The following ASIC2 variants were observed in gnomAD, a reference collection of about 807,000 sequenced individuals.
ASIC2 encodes acid-sensing ion channel 2.
Under a neutral mutation model 57.3 loss-of-function variants are expected in ASIC2, and 25 were observed. That is an observed-to-expected ratio of 0.44 (90% CI 0.32 to 0.61). ASIC2 has a LOEUF of 0.61. Among genes scored for constraint, ASIC2 ranks in the 20% least tolerant of loss-of-function variants. The pLI is 0.06. For missense variants in ASIC2, 641 were observed against 738.1 expected (o/e 0.87, Z 1.52); for synonymous variants, 319 against 307.5 (o/e 1.04, Z -0.39).
In ASIC2 at chr17:33,833,490, TTGTC is replaced by T. The variant is rs144334448; in HGVS notation, c.555+322484_555+322487del. ...GTTTTAATGAGACCTTCCGTTCTCTTTGTCTGTGTGTGTGTGTATGTGCGTGTGT... is the reference window on the plus strand; with the variant it reads ...GTTTTAATGAGACCTTCCGTTCTCTTTGTGTGTGTGTGTATGTGCGTGTGT... On this transcript the variant is annotated intron_variant, in intron 1 of 9. Coordinates refer to the ASIC2 transcript ENST00000359872. Among the ~76,000 whole-genome samples, 45 of 152,050 alleles carry T rather than the reference TTGTC, an allele frequency of 3.0e-4. No homozygotes were observed. The East Asian group carries it at 7.0e-3, about 24-fold the overall frequency.
At chr17:33,816,586 A>G (rs1290122454) in intron 1 of ASIC2, among the ~76,000 whole-genome samples, 2 of 152,128 alleles carry the variant, frequency 1.3e-5, no homozygotes, top group Non-Finnish European at 2.9e-5. Context: ...CCTGATGCCA[A>G]CTGTTGCCAA....
intron 7 of ASIC2, among the ~76,000 whole-genome samples, chr17:33,018,777 G>A (rs1379379865): frequency 6.6e-6 from 1 of 150,946 alleles, no homozygotes; most frequent in African/African-American, 2.4e-5. Flanking sequence ...GTTCTTTCCA[G>A]CCCTAATCTC....
At chr17:33,117,868 T>A (rs1362976821) in intron 1 of ASIC2, among the ~76,000 whole-genome samples, 1 of 152,128 alleles carries the variant, frequency 6.6e-6, no homozygotes, top group Non-Finnish European at 1.5e-5. Flanking sequence ...CAGAGATTAA[T>A]TGAAAAATGG....
chr17:33,015,892 C>T (rs1192544751), intron 9 of ASIC2, 79 bp downstream of exon 9: 37 of 1,503,978 alleles, frequency 2.5e-5, no homozygotes, highest in African/African-American at 4.1e-5. Context: ...TCTTTCCTGC[C>T]CGGCCCCAGC....
At chr17:33,360,822 A>T (rs1343488305) in intron 1 of ASIC2, among the ~76,000 whole-genome samples, 2 of 152,200 alleles carry the variant, frequency 1.3e-5, no homozygotes, top group Non-Finnish European at 1.5e-5. Context: ...TTGTGGCCAC[A>T]TGGAGCCCTA....
At chr17:33,456,200 C>A (rs1336385528) in intron 1 of ASIC2, among the ~76,000 whole-genome samples, 1 of 152,160 alleles carries the variant, frequency 6.6e-6, no homozygotes, top group Non-Finnish European at 1.5e-5. Flanking sequence ...TTTCATTTTG[C>A]AGATTGATTT....
intron 1 of ASIC2, among the ~76,000 whole-genome samples, chr17:33,605,459 G>A (rs1350537870): frequency 6.6e-6 from 1 of 152,134 alleles, no homozygotes; most frequent in Non-Finnish European, 1.5e-5. Context: ...TCACTTTCAA[G>A]GCATTCAGGA....
chr17:33,563,690 C>T (rs1442344689), intron 1 of ASIC2, among the ~76,000 whole-genome samples: 1 of 152,112 alleles, frequency 6.6e-6, no homozygotes, highest in East Asian at 1.9e-4. Context: ...AGTTAAAGAA[C>T]CAGTGAGGGG....
At chr17:33,245,298 G>A (rs1356444612) in intron 1 of ASIC2, among the ~76,000 whole-genome samples, 1 of 152,190 alleles carries the variant, frequency 6.6e-6, no homozygotes, top group Non-Finnish European at 1.5e-5. Flanking sequence ...AGGAACAGGT[G>A]CTTGGGGAGT....
intron 1 of ASIC2, among the ~76,000 whole-genome samples, chr17:33,671,239 T>C (rs1907629303): frequency 6.6e-6 from 1 of 151,900 alleles, no homozygotes; most frequent in Non-Finnish European, 1.5e-5. Context: ...TGCTAATTGC[T>C]CCCCCTCCAA....
chr17:33,452,144 T>C lies in ASIC2; in HGVS notation c.556-340077A>G, dbSNP rs1912273943. Among the ~76,000 whole-genome samples the C allele has an allele frequency of 6.6e-5, 10 of 152,316 alleles. No homozygotes were observed. The South Asian group carries it at 2.1e-3, about 32-fold the overall frequency. On this transcript the variant is annotated intron_variant, in intron 1 of 9. Coordinates refer to the ASIC2 transcript ENST00000359872. ...AAAAGCACTGACTGCCAACCTAAGG[T>C]GAGTATCTGCCTGTTAGTATTCGGA...
chr17:33,787,231 C>A (rs1398149681), intron 1 of ASIC2, among the ~76,000 whole-genome samples: 1 of 152,252 alleles, frequency 6.6e-6, no homozygotes, highest in East Asian at 1.9e-4. Context: ...GAACTGCATT[C>A]TGCAAGGCCC....
At chr17:34,050,135 C>A (rs1194318314) in intron 1 of ASIC2, among the ~76,000 whole-genome samples, 1 of 152,194 alleles carries the variant, frequency 6.6e-6, no homozygotes, top group Non-Finnish European at 1.5e-5. Context: ...CATGCCTGAA[C>A]CTTGGGAGGC....
intron 1 of ASIC2, among the ~76,000 whole-genome samples, chr17:33,486,741 A>G (rs772549828): frequency 7.2e-5 from 11 of 152,226 alleles, no homozygotes; most frequent in Non-Finnish European, 1.3e-4. Flanking sequence ...CTGACTTCTT[A>G]GTGCCTTGAG....
At chr17:33,641,853 A>G (rs1002868143) in intron 1 of ASIC2, among the ~76,000 whole-genome samples, 5 of 152,234 alleles carry the variant, frequency 3.3e-5, no homozygotes, top group African/African-American at 1.2e-4. Flanking sequence ...AATAAGTCTC[A>G]GTGCCTTCAT....
At chr17:33,175,395 A>G (rs1182796256) in intron 1 of ASIC2, among the ~76,000 whole-genome samples, 5 of 152,186 alleles carry the variant, frequency 3.3e-5, no homozygotes, top group Admixed American at 1.3e-4. Context: ...CCCAATGTCC[A>G]AAGATAGTTC....
intron 3 of ASIC2, among the ~76,000 whole-genome samples, chr17:33,088,220 C>T (rs2092142850): frequency 6.6e-6 from 1 of 152,228 alleles, no homozygotes; most frequent in African/African-American, 2.4e-5. Flanking sequence ...CCGTGTCTCT[C>T]CGCAGTCCTG....
chr17:34,081,206 G>A (rs80200178), intron 1 of ASIC2, among the ~76,000 whole-genome samples: 4,612 of 152,214 alleles, frequency 0.03, 100 homozygotes, highest in Middle Eastern at 0.061. Flanking sequence ...TTAGAGCCTA[G>A]GGGTGGGAGG....
At chr17:33,282,638 C>A (rs1905004422) in intron 1 of ASIC2, among the ~76,000 whole-genome samples, 1 of 152,122 alleles carries the variant, frequency 6.6e-6, no homozygotes, top group South Asian at 2.1e-4. Context: ...TCAGACCCGA[C>A]TAATTTTTGA....
Sources: gnomAD v4.1 joint callset for allele counts (sites outside exome capture counted in the v4.1 genomes callset) on GRCh38, gnomAD v4.1.1 for gene constraint, MANE v1.5 for transcripts, NCBI Gene and HGNC (gene_info 2026-07-23, HGNC 2026-07-21) for gene names.